The following SPIDR variants were observed in gnomAD, a reference collection of about 807,000 sequenced individuals.
SPIDR encodes DNA repair-scaffolding protein.
In SPIDR, 93 loss-of-function variants were observed where a neutral mutation model predicts 104.6. The observed-to-expected ratio is 0.89, with a 90% CI of 0.75 to 1.06. SPIDR has a LOEUF of 1.06. Among genes scored for constraint, SPIDR ranks in the 50% least tolerant of loss-of-function variants. The pLI is 0.00. For synonymous variants in SPIDR, 431 were observed against 416.9 expected, an observed-to-expected ratio of 1.03 and a Z score of -0.41; for missense variants, 1,154 against 1,111.2, an observed-to-expected ratio of 1.04 and a Z score of -0.55.
chr8:47,631,965 GT>G (rs2067136839), intron 10 of SPIDR, among the ~76,000 whole-genome samples: 1 of 152,098 alleles, frequency 6.6e-6, no homozygotes. Context: ...AGAACTGAAT[GT>G]ACTGCCAGAT....
At chr8:47,723,214 C>G (rs535394238) in intron 16 of SPIDR, among the ~76,000 whole-genome samples, 20 of 152,162 alleles carry the variant, frequency 1.3e-4, no homozygotes, top group African/African-American at 3.4e-4. Context: ...GTTTTTTGTT[C>G]ACTCCGATAG....
At chr8:47,594,849 T>A (rs2061471240) in intron 8 of SPIDR, among the ~76,000 whole-genome samples, 1 of 151,684 alleles carries the variant, frequency 6.6e-6, no homozygotes, top group Non-Finnish European at 1.5e-5. Flanking sequence ...TAAAAAAAAA[T>A]ACTGGGCATG....
chr8:47,702,570 C>A (rs117665249), intron 14 of SPIDR, among the ~76,000 whole-genome samples: 1 of 152,284 alleles, frequency 6.6e-6, no homozygotes, highest in Admixed American at 6.5e-5. Flanking sequence ...TGCTATCAAT[C>A]AACTAGGAGT....
intron 5 of SPIDR, among the ~76,000 whole-genome samples, chr8:47,318,253 C>T (rs1278276107): frequency 6.6e-6 from 1 of 152,150 alleles, no homozygotes; most frequent in Non-Finnish European, 1.5e-5. Flanking sequence ...CCTTAAAGGA[C>T]CTCATGGAGC....
chr8:47,729,263 A>G, intron 18 of SPIDR, 149 bp from the exon 19 acceptor site: 1 of 1,426,262 alleles, frequency 7.0e-7, no homozygotes, highest in Non-Finnish European at 9.5e-7. Flanking sequence ...CTCCATGTTA[A>G]AACACATCTT....
At chr8:47,558,693 G>T (rs964524898) in intron 8 of SPIDR, among the ~76,000 whole-genome samples, 1 of 151,900 alleles carries the variant, frequency 6.6e-6, no homozygotes, top group African/African-American at 2.4e-5. Context: ...AGGCTGGACT[G>T]CAGTGGCACG....
intron 8 of SPIDR, among the ~76,000 whole-genome samples, chr8:47,584,741 A>G (rs576324998): frequency 6.6e-6 from 1 of 152,308 alleles, no homozygotes; most frequent in East Asian, 1.9e-4. Flanking sequence ...TTGAATCAAA[A>G]AGCTAGAAGT....
chr8:47,444,061 C>T (rs2070045562), intron 8 of SPIDR, among the ~76,000 whole-genome samples: 1 of 152,118 alleles, frequency 6.6e-6, no homozygotes, highest in South Asian at 2.1e-4. Context: ...TAATTTCAGA[C>T]ATGTAAAAAT....
At chr8:47,568,729 G>A (rs1249021782) in intron 8 of SPIDR, among the ~76,000 whole-genome samples, 1 of 152,060 alleles carries the variant, frequency 6.6e-6, no homozygotes, top group Non-Finnish European at 1.5e-5. Context: ...AGAAATAATG[G>A]AGCAAAACAT....
At chr8:47,502,645 G>A (rs185393226) in intron 8 of SPIDR, among the ~76,000 whole-genome samples, 1 of 152,210 alleles carries the variant, frequency 6.6e-6, no homozygotes, top group Non-Finnish European at 1.5e-5. Context: ...CTTCGGTTCT[G>A]CTCTGATCTT....
chr8:47,493,720 T>A (rs1471666418), intron 8 of SPIDR, among the ~76,000 whole-genome samples: 7 of 152,170 alleles, frequency 4.6e-5, no homozygotes, highest in Non-Finnish European at 1.0e-4. Flanking sequence ...TTGAAAATGT[T>A]CCATCTAGTG....
At chr8:47,330,844 CT>C (rs1346937393) in intron 5 of SPIDR, 1 of 455,944 alleles carries the variant, frequency 2.2e-6, no homozygotes, top group African/African-American at 2.0e-5. Flanking sequence ...TGGAGATAAA[CT>C]TTCAACTCCT....
chr8:47,341,758 G>T (rs1346820949), intron 5 of SPIDR, among the ~76,000 whole-genome samples: 1 of 152,182 alleles, frequency 6.6e-6, no homozygotes, highest in Non-Finnish European at 1.5e-5. Flanking sequence ...ATATTCCTGT[G>T]TGCATCCAGG....
At chr8:47,490,239 A>T (rs577405573) in intron 8 of SPIDR, among the ~76,000 whole-genome samples, 15 of 152,380 alleles carry the variant, frequency 9.8e-5, no homozygotes, top group African/African-American at 3.4e-4. Flanking sequence ...CAACAGACAC[A>T]TGAAAAATTG....
chr8:47,657,285 G>T (rs1027161139), intron 10 of SPIDR, among the ~76,000 whole-genome samples: 46 of 149,482 alleles, frequency 3.1e-4, no homozygotes, highest in African/African-American at 1.1e-3. Context: ...TTGTGCTGAG[G>T]AAAAAAAAAA....
At chr8:47,273,171 T>A (rs2035680419) in intron 1 of SPIDR, among the ~76,000 whole-genome samples, 1 of 152,212 alleles carries the variant, frequency 6.6e-6, no homozygotes, top group East Asian at 1.9e-4. Context: ...CCCACGAGAC[T>A]GGCCCCACTT....
At chr8:47,338,497 A>G (rs1554611366) in intron 5 of SPIDR, among the ~76,000 whole-genome samples, 1 of 152,198 alleles carries the variant, frequency 6.6e-6, no homozygotes, top group African/African-American at 2.4e-5. Context: ...CAATACTAAC[A>G]TGTCATGGGA....
chr8:47,496,531 G>A (rs1043263931), intron 8 of SPIDR, among the ~76,000 whole-genome samples: 5 of 152,010 alleles, frequency 3.3e-5, no homozygotes. Flanking sequence ...CCTATGATTC[G>A]TGGTATAAAT....
At chr8:47,381,849 A>G (rs1275258122) in intron 5 of SPIDR, among the ~76,000 whole-genome samples, 1 of 152,274 alleles carries the variant, frequency 6.6e-6, no homozygotes, top group Admixed American at 6.5e-5. Context: ...TGCATGAAAT[A>G]TGAGTCAAGT....
Sources: gnomAD v4.1 joint callset for allele counts (sites outside exome capture counted in the v4.1 genomes callset) on GRCh38, gnomAD v4.1.1 for gene constraint, MANE v1.5 for transcripts, NCBI Gene and HGNC (gene_info 2026-07-23, HGNC 2026-07-21) for gene names.